The following NCAM2 variants were observed in gnomAD, a reference collection of about 807,000 sequenced individuals.
NCAM2 encodes neural cell adhesion molecule 2, also known as N-CAM-2.
A neutral mutation model predicts 98.1 loss-of-function variants in NCAM2; 30 were observed. The ratio of observed to expected loss-of-function variants is 0.31; its 90% confidence interval spans 0.23 to 0.41. NCAM2 has a LOEUF of 0.41. Ranked by LOEUF, NCAM2 falls within the 10% of genes least tolerant of loss-of-function variation. NCAM2 has a pLI of 1.00. For synonymous variants in NCAM2, 368 were observed against 342.4 expected (o/e 1.07, Z -0.83); for missense variants, 867 against 1,005.8 (o/e 0.86, Z 1.87).
At chr21:21,396,077 C>T (rs1405290283) in intron 9 of NCAM2, among the ~76,000 whole-genome samples, 5 of 150,988 alleles carry the variant, frequency 3.3e-5, no homozygotes, top group African/African-American at 1.2e-4. Context: ...AACAGACAAC[C>T]CACAGAGAGG....
intron 5 of NCAM2, among the ~76,000 whole-genome samples, chr21:21,308,163 G>C (rs1038653889): frequency 2.0e-5 from 3 of 151,912 alleles, no homozygotes; most frequent in African/African-American, 7.3e-5. Context: ...TAATGTTAAA[G>C]TTATTAGAAA....
At chr21:21,525,077 T>C (rs1989252027) in intron 16 of NCAM2, among the ~76,000 whole-genome samples, 1 of 152,100 alleles carries the variant, frequency 6.6e-6, no homozygotes, top group African/African-American at 2.4e-5. Flanking sequence ...AAGTGAATTA[T>C]CTAGACCTCT....
chr21:21,101,558 T>C (rs187303208), intron 1 of NCAM2, among the ~76,000 whole-genome samples: 1 of 152,174 alleles, frequency 6.6e-6, no homozygotes, highest in East Asian at 1.9e-4. Context: ...TAAAGCTTTC[T>C]TTTATTTCAA....
Position 21,338,558 on chromosome 21 carries a change from G to A in NCAM2, c.1044+24G>A, listed in dbSNP as rs77732898. Reference sequence around the variant, plus strand: ...AGGTAACCACATCTCAATATGTAATGGTTTCCATTACCATGCAATTTCAGT... The same window carrying A: ...AGGTAACCACATCTCAATATGTAATAGTTTCCATTACCATGCAATTTCAGT... On this transcript the variant is annotated intron_variant, in intron 8 of 17. Coordinates refer to ENST00000400546, the MANE Select transcript of NCAM2 (RefSeq NM_004540.5). 2,524 of 1,556,228 alleles carry A rather than the reference G, an allele frequency of 1.6e-3. 49 individuals carry two copies. The African/African-American group carries it at 0.031, about 19-fold the overall frequency.
chr21:21,188,303 A>G (rs2068705768), intron 1 of NCAM2, among the ~76,000 whole-genome samples: 1 of 152,084 alleles, frequency 6.6e-6, no homozygotes, highest in Admixed American at 6.5e-5. Flanking sequence ...ATACTTACAA[A>G]TTTTTGCCAA....
At chr21:21,013,410 T>G (rs1419729021) in intron 1 of NCAM2, among the ~76,000 whole-genome samples, 1 of 152,162 alleles carries the variant, frequency 6.6e-6, no homozygotes, top group Admixed American at 6.5e-5. Context: ...AATACTCCAG[T>G]TCTGTGGAGG....
chr21:21,130,452 C>T (rs1336124959), intron 1 of NCAM2, among the ~76,000 whole-genome samples: 2 of 152,056 alleles, frequency 1.3e-5, no homozygotes, highest in African/African-American at 2.4e-5. Context: ...GCATCAATCT[C>T]CCAAACTTTT....
At chr21:21,253,733 G>A (rs2071557388) in intron 1 of NCAM2, among the ~76,000 whole-genome samples, 1 of 152,142 alleles carries the variant, frequency 6.6e-6, no homozygotes, top group South Asian at 2.1e-4. Flanking sequence ...CCAAAATTTA[G>A]AAATGGTTTG....
intron 1 of NCAM2, among the ~76,000 whole-genome samples, chr21:21,147,639 G>T (rs1003990775): frequency 1.3e-5 from 2 of 149,148 alleles, no homozygotes; most frequent in African/African-American, 2.5e-5. Flanking sequence ...AGTATCAACA[G>T]ATATATATTT....
intron 1 of NCAM2, among the ~76,000 whole-genome samples, chr21:21,110,986 A>G (rs1313411129): frequency 6.6e-6 from 1 of 152,180 alleles, no homozygotes; most frequent in Non-Finnish European, 1.5e-5. Flanking sequence ...TTACACAAAA[A>G]GAAATCATCA....
chr21:21,189,134 G>GT (rs974603719), intron 1 of NCAM2, among the ~76,000 whole-genome samples: 4 of 152,230 alleles, frequency 2.6e-5, no homozygotes, highest in African/African-American at 9.6e-5. Flanking sequence ...AGTTCATCAG[G>GT]TTTGGGGGTT....
intron 9 of NCAM2, among the ~76,000 whole-genome samples, chr21:21,408,898 T>C (rs2076796430): frequency 6.6e-6 from 1 of 152,036 alleles, no homozygotes; most frequent in South Asian, 2.1e-4. Flanking sequence ...TGATTACTTC[T>C]GCATTTGTAC....
At chr21:21,518,115 C>T (rs979646160) in intron 16 of NCAM2, among the ~76,000 whole-genome samples, 2 of 152,070 alleles carry the variant, frequency 1.3e-5, no homozygotes, top group African/African-American at 4.8e-5. Flanking sequence ...TAATGCCTGG[C>T]ATTTAATAAT....
intron 5 of NCAM2, among the ~76,000 whole-genome samples, chr21:21,317,061 G>A (rs1372256953): frequency 2.0e-5 from 3 of 152,072 alleles, no homozygotes; most frequent in African/African-American, 7.2e-5. Context: ...AACTCCAAGG[G>A]CAATACAAGA....
chr21:21,358,181 T>C (rs900127269), intron 8 of NCAM2, among the ~76,000 whole-genome samples: 2 of 152,130 alleles, frequency 1.3e-5, no homozygotes, highest in Non-Finnish European at 2.9e-5. Flanking sequence ...TAATCTATAT[T>C]TCCCTGATAT....
At chr21:21,171,170 A>G (rs1349590452) in intron 1 of NCAM2, among the ~76,000 whole-genome samples, 4 of 152,232 alleles carry the variant, frequency 2.6e-5, no homozygotes, top group African/African-American at 9.6e-5. Flanking sequence ...TGGGATTATT[A>G]CTATTAAGCA....
At chr21:21,429,924 C>T (rs998092074) in intron 11 of NCAM2, among the ~76,000 whole-genome samples, 1 of 152,104 alleles carries the variant, frequency 6.6e-6, no homozygotes, top group Non-Finnish European at 1.5e-5. Flanking sequence ...GGCTCTTGCT[C>T]AGTACTATTT....
chr21:21,534,793 T>C, intron 17 of NCAM2, 137 bp downstream of exon 17: 1 of 877,902 alleles, frequency 1.1e-6, no homozygotes, highest in Non-Finnish European at 1.5e-6. Context: ...TGAAAGTACA[T>C]GTGAATATCT....
chr21:21,528,606 A>AG (rs2146409076), intron 16 of NCAM2, among the ~76,000 whole-genome samples: 1 of 152,342 alleles, frequency 6.6e-6, no homozygotes, highest in East Asian at 1.9e-4. Flanking sequence ...TTAAAAAATT[A>AG]CAATGTATAT....
Sources: gnomAD v4.1 joint callset for allele counts (sites outside exome capture counted in the v4.1 genomes callset) on GRCh38, gnomAD v4.1.1 for gene constraint, MANE v1.5 for transcripts, NCBI Gene and HGNC (gene_info 2026-07-23, HGNC 2026-07-21) for gene names.